BTBD9: variants seen among roughly 807,000 people sequenced by gnomAD.
The protein encoded by BTBD9 is BTB domain containing 9, also known as BTB/POZ domain-containing protein 9.
A neutral mutation model predicts 64.3 loss-of-function variants in BTBD9; 49 were observed. That is an observed-to-expected ratio of 0.76 (90% CI 0.61 to 0.97). The LOEUF is 0.97. BTBD9 is among the 50% of genes least tolerant of loss of function. BTBD9 has a pLI of 0.00. For synonymous variants in BTBD9, 260 were observed against 274.7 expected, an observed-to-expected ratio of 0.95 and a Z score of 0.53; for missense variants, 598 against 762.1, an observed-to-expected ratio of 0.78 and a Z score of 2.53.
At chr6:38,637,344 A>G (rs1192572593) in intron 1 of BTBD9, among the ~76,000 whole-genome samples, 2 of 152,218 alleles carry the variant, frequency 1.3e-5, no homozygotes, top group Admixed American at 1.3e-4. Flanking sequence ...CAACATTTGC[A>G]GTTGTAACTT....
intron 6 of BTBD9, among the ~76,000 whole-genome samples, chr6:38,484,400 G>T (rs1056267941): frequency 3.3e-5 from 5 of 152,112 alleles, no homozygotes; most frequent in Non-Finnish European, 7.4e-5. Context: ...ACACTTCCTG[G>T]GACTGACTAC....
intron 9 of BTBD9, among the ~76,000 whole-genome samples, chr6:38,222,783 G>A (rs1763257333): frequency 1.3e-5 from 2 of 152,162 alleles, no homozygotes; most frequent in African/African-American, 4.8e-5. Flanking sequence ...CAGACAAACA[G>A]GCAAAACATA....
chr6:38,587,990 C>A (rs1776617672), intron 4 of BTBD9: 2 of 741,876 alleles, frequency 2.7e-6, no homozygotes, highest in Admixed American at 3.5e-5. Flanking sequence ...AGCAGCTCAC[C>A]CACCAGGAGT....
chr6:38,536,658 C>T (rs889898803), intron 6 of BTBD9, among the ~76,000 whole-genome samples: 1 of 152,084 alleles, frequency 6.6e-6, no homozygotes, highest in East Asian at 1.9e-4. Flanking sequence ...AGAATAAGAT[C>T]CTATCATTTG....
At chr6:38,469,744 A>G (rs909064890) in intron 6 of BTBD9, among the ~76,000 whole-genome samples, 2 of 152,146 alleles carry the variant, frequency 1.3e-5, no homozygotes, top group Non-Finnish European at 2.9e-5. Context: ...TTTAATTTGA[A>G]TTGCACAAAT....
intron 7 of BTBD9, among the ~76,000 whole-genome samples, chr6:38,305,387 T>C (rs570177975): frequency 6.6e-6 from 1 of 152,338 alleles, no homozygotes; most frequent in East Asian, 1.9e-4. Flanking sequence ...GACTAAAATA[T>C]TGTTTGATGG....
At chr6:38,557,323 C>T (rs905343242) in intron 6 of BTBD9, among the ~76,000 whole-genome samples, 4 of 151,888 alleles carry the variant, frequency 2.6e-5, no homozygotes, top group East Asian at 1.9e-4. Context: ...CCAGCCTGGG[C>T]GACAAGAGCA....
intron 6 of BTBD9, among the ~76,000 whole-genome samples, chr6:38,442,785 T>G (rs761908155): frequency 2.0e-5 from 3 of 146,704 alleles, no homozygotes; most frequent in African/African-American, 5.0e-5. Context: ...TTCTCCTGCC[T>G]CAGCCTCCTG....
chr6:38,601,232 T>C (rs2127500374), intron 1 of BTBD9, among the ~76,000 whole-genome samples: 1 of 152,276 alleles, frequency 6.6e-6, no homozygotes, highest in Non-Finnish European at 1.5e-5. Flanking sequence ...TGTACAAGTA[T>C]ACAAAAACAT....
intron 7 of BTBD9, among the ~76,000 whole-genome samples, chr6:38,289,774 T>A (rs1345442942): frequency 6.6e-6 from 1 of 152,194 alleles, no homozygotes; most frequent in Non-Finnish European, 1.5e-5. Flanking sequence ...CAAGTCTATA[T>A]CAACCTGCTC....
chr6:38,581,148 C>T (rs1276385659), intron 4 of BTBD9, among the ~76,000 whole-genome samples: 1 of 152,092 alleles, frequency 6.6e-6, no homozygotes, highest in African/African-American at 2.4e-5. Context: ...GCTGAGATCG[C>T]GCCATTGCAC....
intron 9 of BTBD9, among the ~76,000 whole-genome samples, chr6:38,240,745 C>T (rs1245452982): frequency 6.6e-6 from 1 of 152,072 alleles, no homozygotes; most frequent in Non-Finnish European, 1.5e-5. Context: ...AAAATGAAGG[C>T]ATTTGGAATT....
intron 6 of BTBD9, among the ~76,000 whole-genome samples, chr6:38,384,570 T>C (rs1766072756): frequency 6.6e-6 from 1 of 152,268 alleles, no homozygotes; most frequent in Non-Finnish European, 1.5e-5. Flanking sequence ...GAAATATATA[T>C]TAGAAGGTCT....
intron 7 of BTBD9, among the ~76,000 whole-genome samples, chr6:38,314,965 TC>T (rs1216567438): frequency 4.6e-5 from 7 of 152,152 alleles, no homozygotes; most frequent in Non-Finnish European, 1.0e-4. Context: ...TTCTCCTGCC[TC>T]AGCCTCCAAG....
In BTBD9 at chr6:38,169,735, C is replaced by T. The variant is rs1426655898; in HGVS notation, c.*5250G>A. ...CACTAGTGGGGACAGGTGTGTAGCT[C>T]CTGGCTGCAGGGCCTCCTCCACCCC... On this transcript the variant is annotated 3_prime_UTR_variant, in exon 11 of 11. Coordinates refer to ENST00000481247, the MANE Select transcript of BTBD9 (RefSeq NM_001099272.2). The T allele has an allele frequency of 6.6e-6, 1 of 152,180 alleles. No homozygotes were observed. Among genetic ancestry groups the T allele is most frequent in the East Asian group, 1.9e-4 (1 of 5,192 alleles). The allele number at this position is 152,180 out of a possible 1,614,324, so 9.4% of individuals were successfully genotyped here. A position where few individuals can be genotyped will look rare whatever the true frequency, so the allele number is the denominator to read the frequency against.
At chr6:38,225,159 G>A (rs1317612180) in intron 9 of BTBD9, among the ~76,000 whole-genome samples, 1 of 152,176 alleles carries the variant, frequency 6.6e-6, no homozygotes, top group Non-Finnish European at 1.5e-5. Flanking sequence ...TGTTCAGTCA[G>A]AAGTTCTCTT....
intron 6 of BTBD9, among the ~76,000 whole-genome samples, chr6:38,358,841 G>A (rs1764837311): frequency 6.6e-6 from 1 of 150,416 alleles, no homozygotes; most frequent in Non-Finnish European, 1.5e-5. Context: ...GCGCAATCTC[G>A]GCTCACTGCA....
rs1241535336 is a variant in BTBD9 at position 38,184,442 on chromosome 6, C to A, written c.1641+8077G>T. ...TTTCCAGTTGCTGGAACATGAAGCCCCTGGAGGGCCAGGTTCCCTCCCACA... is the reference window on the plus strand; with the variant it reads ...TTTCCAGTTGCTGGAACATGAAGCCACTGGAGGGCCAGGTTCCCTCCCACA... On this transcript the variant is annotated intron_variant, in intron 10 of 10. Coordinates refer to ENST00000481247, the MANE Select transcript of BTBD9 (RefSeq NM_001099272.2). This position sits in a 1 kb window ranked among gnomAD's most constrained non-coding sequence, Gnocchi z 4.4. 1.3e-5 allele frequency among the ~76,000 whole-genome samples: 2 copies of A among 152,180 alleles called. No individual in the cohort carries two copies. Among genetic ancestry groups the A allele is most frequent in the African/African-American group, 4.8e-5 (2 of 41,448 alleles).
chr6:38,523,862 A>C (rs1180158843), intron 6 of BTBD9, among the ~76,000 whole-genome samples: 1 of 152,198 alleles, frequency 6.6e-6, no homozygotes, highest in Non-Finnish European at 1.5e-5. Flanking sequence ...ACATATTGCT[A>C]ATGAATGGCA....
Sources: gnomAD v4.1 joint callset for allele counts (sites outside exome capture counted in the v4.1 genomes callset) on GRCh38, gnomAD v4.1.1 for gene constraint, Gnocchi (gnomAD v3.1) non-coding constraint, MANE v1.5 for transcripts, NCBI Gene and HGNC (gene_info 2026-07-23, HGNC 2026-07-21) for gene names.